YWHAE: variants seen among roughly 807,000 people sequenced by gnomAD.
YWHAE encodes the protein 14-3-3 protein epsilon.
YWHAE carries 4 observed loss-of-function variants against 30.1 expected under a neutral mutation model. That is an observed-to-expected ratio of 0.13 (90% CI 0.07 to 0.30). The LOEUF is 0.30. Among genes scored for constraint, YWHAE ranks in the 10% least tolerant of loss-of-function variants. YWHAE has a pLI of 1.00. For missense variants in YWHAE, 121 were observed against 315.9 expected (o/e 0.38, Z 4.68); for synonymous variants, 118 against 111.8 (o/e 1.06, Z -0.35).
At chr17:1,371,771 A>G (rs1268761781) in intron 1 of YWHAE, among the ~76,000 whole-genome samples, 1 of 152,092 alleles carries the variant, frequency 6.6e-6, no homozygotes, top group Admixed American at 6.5e-5. Context: ...GGTCACCATC[A>G]ATAATGTTAG....
rs921988563 is a variant in YWHAE at position 1,400,177 on chromosome 17, C to G, written c.-67G>C. The G allele has an allele frequency of 1.3e-6, 2 of 1,588,346 alleles. No individual in the cohort carries two copies. The highest frequency in any genetic ancestry group is 8.6e-7 in the Non-Finnish European group (1 of 1,158,452). On this transcript the variant is annotated 5_prime_UTR_variant, in exon 1 of 6. Coordinates refer to ENST00000264335, the MANE Select transcript of YWHAE (RefSeq NM_006761.5). Reference sequence around the variant, plus strand: ...CGGATAGTGTCTCCGACTCTCTCAGCCTCTCGCTCCGCGTCCGGGCAGCAA... The same window carrying G: ...CGGATAGTGTCTCCGACTCTCTCAGGCTCTCGCTCCGCGTCCGGGCAGCAA...
At chr17:1,394,457 A>AAAAC (rs2073435936) in intron 1 of YWHAE, among the ~76,000 whole-genome samples, 1 of 149,308 alleles carries the variant, frequency 6.7e-6, no homozygotes, top group African/African-American at 2.5e-5. Context: ...AAAAAAAAAA[A>AAAAC]AAAACACAAA....
intron 5 of YWHAE, among the ~76,000 whole-genome samples, chr17:1,349,699 C>T (rs1359297604): frequency 1.3e-5 from 2 of 151,684 alleles, no homozygotes; most frequent in Non-Finnish European, 2.9e-5. Context: ...CTGCAAGCTC[C>T]GCCTCTGGGT....
intron 3 of YWHAE, 115 bp downstream of exon 3, chr17:1,361,787 T>C (rs1196237597): frequency 4.8e-6 from 3 of 623,016 alleles, no homozygotes; most frequent in Non-Finnish European, 8.0e-6. Context: ...TAACTATCCT[T>C]CTAACATTGA....
chr17:1,358,565 C>G (rs970793970), intron 4 of YWHAE, among the ~76,000 whole-genome samples: 1 of 149,728 alleles, frequency 6.7e-6, no homozygotes, highest in Non-Finnish European at 1.5e-5. Flanking sequence ...ATTGGCCGGG[C>G]GCAGTGGCTC....
chr17:1,384,755 G>C (rs1404394964), intron 1 of YWHAE, among the ~76,000 whole-genome samples: 1 of 152,020 alleles, frequency 6.6e-6, no homozygotes, highest in Non-Finnish European at 1.5e-5. Context: ...GCTCAGGCTG[G>C]AGTGCAATGG....
intron 5 of YWHAE, among the ~76,000 whole-genome samples, chr17:1,352,915 TA>T (rs1319111616): frequency 6.6e-6 from 1 of 152,142 alleles, no homozygotes; most frequent in Non-Finnish European, 1.5e-5. Context: ...CCACCAAATG[TA>T]AAACTATCCT....
Position 1,400,190 on chromosome 17 carries a change from G to T in YWHAE, c.-80C>A. ...CGACTCTCTCAGCCTCTCGCTCCGC[G>T]TCCGGGCAGCAAAAATGGCGGCGCC... is the stretch of plus-strand genomic sequence containing the variant. On this transcript the variant is annotated 5_prime_UTR_variant, in exon 1 of 6. Transcript: ENST00000264335. 6.4e-7 allele frequency: 1 copy of T among 1,559,652 alleles called. No homozygotes were observed. The highest frequency in any genetic ancestry group is 8.8e-7 in the Non-Finnish European group (1 of 1,133,710).
At chr17:1,351,086 C>A (rs548149769) in intron 5 of YWHAE, among the ~76,000 whole-genome samples, 5 of 151,222 alleles carry the variant, frequency 3.3e-5, no homozygotes, top group Non-Finnish European at 5.9e-5. Flanking sequence ...ATCAGCCAGG[C>A]GCGGTGGCTC....
intron 1 of YWHAE, among the ~76,000 whole-genome samples, chr17:1,385,169 G>C (rs893274603): frequency 8.0e-6 from 1 of 125,566 alleles, no homozygotes; most frequent in Non-Finnish European, 1.7e-5. Flanking sequence ...AAAAAGTAAA[G>C]ATAAAATGAA....
Position 1,344,980 on chromosome 17 carries a change from C to G in YWHAE, c.*467G>C. On this transcript the variant is annotated 3_prime_UTR_variant, in exon 6 of 6. Coordinates refer to ENST00000264335, the MANE Select transcript of YWHAE (RefSeq NM_006761.5). ...CACCTTTAACCATCTCAAGCTAACA[C>G]CCAATTACTTGCAAACACTGGTATA... The G allele has an allele frequency of 4.2e-6, 1 of 235,758 alleles. No homozygotes were observed. Among genetic ancestry groups the G allele is most frequent in the Non-Finnish European group, 8.4e-6 (1 of 119,096 alleles). The allele number at this position is 235,758 out of a possible 1,614,324, so 14.6% of individuals were successfully genotyped here.
At chr17:1,382,096 T>C (rs1313849166) in intron 1 of YWHAE, among the ~76,000 whole-genome samples, 1 of 152,134 alleles carries the variant, frequency 6.6e-6, no homozygotes, top group Non-Finnish European at 1.5e-5. Flanking sequence ...TCACCCAGGC[T>C]GGAGTGCAGT....
At chr17:1,372,583 T>C (rs558249521) in intron 1 of YWHAE, among the ~76,000 whole-genome samples, 38 of 152,280 alleles carry the variant, frequency 2.5e-4, no homozygotes, top group East Asian at 3.9e-4. Flanking sequence ...TTAGAAGCAA[T>C]TGCAGGGTTG....
Position 1,370,421 on chromosome 17 carries a change from G to A in YWHAE, c.65-5363C>T, listed in dbSNP as rs180979242. ...GCTGGGATTACAGGCGTGAGCCACC[G>A]CGACTGGCCAGAACAACTTTTTGTT... On this transcript the variant is annotated intron_variant, in intron 1 of 5. Transcript: ENST00000264335. Among the ~76,000 whole-genome samples, 492 of 151,542 alleles carry A rather than the reference G, an allele frequency of 3.2e-3. 4 individuals are homozygous for A. The highest frequency in any genetic ancestry group is 7.9e-3 in the East Asian group (40 of 5,032).
At chr17:1,349,411 TG>T (rs1186292877) in intron 5 of YWHAE, among the ~76,000 whole-genome samples, 3 of 152,212 alleles carry the variant, frequency 2.0e-5, no homozygotes, top group African/African-American at 7.2e-5. Context: ...CACAATTATT[TG>T]TGTATTCAGA....
chr17:1,389,094 T>C (rs2073351192), intron 1 of YWHAE, among the ~76,000 whole-genome samples: 2 of 151,978 alleles, frequency 1.3e-5, no homozygotes, highest in South Asian at 4.1e-4. Flanking sequence ...GCCTCCCAAG[T>C]AGCTGAGACT....
At chr17:1,349,943 A>C (rs1263169071) in intron 5 of YWHAE, among the ~76,000 whole-genome samples, 1 of 135,158 alleles carries the variant, frequency 7.4e-6, no homozygotes, top group African/African-American at 3.0e-5. Flanking sequence ...AAAAACTGCG[A>C]AAGTATTACC....
chr17:1,353,452 AAAAGAAAAG>A (rs2072674381), intron 5 of YWHAE, among the ~76,000 whole-genome samples: 1 of 105,770 alleles, frequency 9.5e-6, no homozygotes, highest in South Asian at 3.9e-4. Context: ...AAAAAAAAAG[AAAAGAAAAG>A]AAAAGAAAAG....
chr17:1,365,083 A>C (rs1205950447), intron 1 of YWHAE, 25 bp from the exon 2 acceptor site: 5 of 1,601,476 alleles, frequency 3.1e-6, no homozygotes, highest in Non-Finnish European at 3.4e-6. Context: ...GAAAAGTCAG[A>C]CCTTACAAAT....
Sources: allele counts gnomAD v4.1 joint callset (sites outside exome capture counted in the v4.1 genomes callset), GRCh38; gene constraint gnomAD v4.1.1; transcripts MANE v1.5; gene names NCBI Gene and HGNC (gene_info 2026-07-23, HGNC 2026-07-21).